Variants in MRGPRX3 observed in about 807,000 individuals in gnomAD.
MRGPRX3 encodes mas-related G protein-coupled receptor member X3.
A neutral mutation model predicts 16.5 loss-of-function variants in MRGPRX3; 14 were observed. The ratio of observed to expected loss-of-function variants is 0.85; its 90% CI spans 0.56 to 1.33. The LOEUF (loss-of-function observed/expected upper bound fraction) is 1.33. Ranked by LOEUF, MRGPRX3 falls within the 40% of genes most tolerant of loss-of-function variation. The probability of loss-of-function intolerance (pLI) is 0.00; values close to 1 mark genes in which losing one functional copy is unlikely to be tolerated. For missense variants in MRGPRX3, 449 were observed against 413.0 expected (o/e 1.09, Z -0.76); for synonymous variants, 199 against 180.1 (o/e 1.10, Z -0.84).
chr11:18,137,940 G>T lies in MRGPRX3; in HGVS notation c.738G>T (p.Trp246Cys). 1 of 1,614,192 alleles carries T rather than the reference G, an allele frequency of 6.2e-7. No individual in the cohort carries two copies. Among genetic ancestry groups the T allele is most frequent in the Non-Finnish European group, 8.5e-7 (1 of 1,180,032 alleles). Residue 246 changes from tryptophan to cysteine, a missense_variant, in exon 2 of 2, where the codon TGG (tryptophan) becomes TGT (cysteine). By Grantham distance (215) the Trp-to-Cys change is radical (BLOSUM62 -2). Coordinates refer to ENST00000621697, the MANE Select transcript of MRGPRX3 (RefSeq NM_001370464.1). Reference protein sequence around the residue: ...WALFSRIHLDWKVLFCHVHLV... With the variant: ...WALFSRIHLDCKVLFCHVHLV... ...TGTTTTCCAGGATCCACCTGGATTG[G>T]AAAGTCTTATTTTGTCATGTGCATC...
rs1335740245 is a variant in MRGPRX3 at position 18,137,352 on chromosome 11, G to T, written c.150G>T (p.Trp50Cys). Reference sequence around the variant, plus strand: ...TGACAGGAAACGCGGTTGTGCTCTGGCTCCTGGGCTGCCGCATGCGCAGGA... The same window carrying T: ...TGACAGGAAACGCGGTTGTGCTCTGTCTCCTGGGCTGCCGCATGCGCAGGA... ...VALTGNAVVL[W>C]LLGCRMRRNA... The change falls in exon 2 of 2, where the codon TGG becomes TGT. Residue 50 changes from tryptophan (W) to cysteine (C), a missense_variant. Transcript: ENST00000621697. 2.5e-6 allele frequency: 4 copies of T among 1,614,164 alleles called. No individual in the cohort carries two copies. Among genetic ancestry groups the T allele is most frequent in the Non-Finnish European group, 3.4e-6 (4 of 1,180,016 alleles).
intron 1 of MRGPRX3, among the ~76,000 whole-genome samples, chr11:18,122,602 T>C (rs997471450): frequency 6.6e-6 from 1 of 152,210 alleles, no homozygotes; most frequent in African/African-American, 2.4e-5. Context: ...GATCTTTGGG[T>C]TGGTTCCAAG....
chr11:18,126,555 A>G (rs1397576125), intron 1 of MRGPRX3, among the ~76,000 whole-genome samples: 5 of 152,120 alleles, frequency 3.3e-5, no homozygotes, highest in Non-Finnish European at 5.9e-5. Flanking sequence ...GGTTTGTTAC[A>G]TATGTATACA....
chr11:18,133,308 A>T (rs992439787), intron 1 of MRGPRX3, among the ~76,000 whole-genome samples: 5 of 152,196 alleles, frequency 3.3e-5, no homozygotes, highest in African/African-American at 1.2e-4. Flanking sequence ...CTATAGCCAT[A>T]GCTGTAGCCA....
intron 1 of MRGPRX3, among the ~76,000 whole-genome samples, chr11:18,133,805 C>G (rs1234404418): frequency 6.6e-6 from 1 of 152,220 alleles, no homozygotes; most frequent in Non-Finnish European, 1.5e-5. Flanking sequence ...AACTAATACA[C>G]AGACAGAGAG....
chr11:18,121,433 G>A (rs76207413), intron 1 of MRGPRX3, among the ~76,000 whole-genome samples: 85,692 of 150,808 alleles, frequency 0.57, 25,108 homozygotes, highest in East Asian at 0.82. Context: ...CAGGCCACAC[G>A]CTCCGACCGG....
Position 18,122,027 on chromosome 11 carries a change from GAAAAAAA to G in MRGPRX3, c.-152+869_-152+875del, listed in dbSNP as rs57582114. Reference sequence around the variant, plus strand: ...TAAAATTTAAAAAAAAAGAAAAAAAGAAAAAAAAAAAAGAAAAATCTTTCAAGATTTT... The same window carrying G: ...TAAAATTTAAAAAAAAAGAAAAAAAGAAAAAGAAAAATCTTTCAAGATTTT... On this transcript the variant is annotated intron_variant, in intron 1 of 2. Coordinates refer to the MRGPRX3 transcript ENST00000396275. Among the ~76,000 whole-genome samples, 3 of 137,364 alleles carry G rather than the reference GAAAAAAA, an allele frequency of 2.2e-5. No homozygotes were observed. The East Asian group carries it at 6.3e-4, about 29-fold the overall frequency. The allele number at this position is 137,364 out of a possible 152,430, so 90.1% of individuals were successfully genotyped here. A position where few individuals can be genotyped will look rare whatever the true frequency, so the allele number is the denominator to read the frequency against.
At chr11:18,131,781 C>G (rs1318087740), upstream of MRGPRX3, among the ~76,000 whole-genome samples, 1 of 152,030 alleles carries the variant, frequency 6.6e-6, no homozygotes, top group Non-Finnish European at 1.5e-5. Context: ...ATTGGAGACC[C>G]TTATTCTAAG....
upstream of MRGPRX3, among the ~76,000 whole-genome samples, chr11:18,132,028 C>T (rs1469998365): frequency 1.3e-5 from 2 of 152,242 alleles, no homozygotes; most frequent in East Asian, 1.9e-4. Context: ...TGGAAGCAAA[C>T]ACCACCTGTT....
chr11:18,135,861 A>T (rs1181142593), intron 1 of MRGPRX3, among the ~76,000 whole-genome samples: 1 of 152,188 alleles, frequency 6.6e-6, no homozygotes, highest in African/African-American at 2.4e-5. Flanking sequence ...AACCCCCCGG[A>T]CAAATAATAT....
rs768783004 is a variant in MRGPRX3, at chr11:18,137,988, T to C, written c.786T>C (p.Ala262=). 12 of 1,614,200 alleles carry C rather than the reference T, an allele frequency of 7.4e-6. No homozygotes were observed. The highest frequency in any genetic ancestry group is 8.5e-6 in the Non-Finnish European group (10 of 1,180,032). ...ATCTAGTTTCCATTTTCCTGTCCGC[T>C]CTTAACAGCAGTGCCAACCCCATCA... ...HVHLVSIFLS[A]LNSSANPIIY... is the part of the protein sequence containing the mutation. Residue 262 remains alanine, a synonymous_variant, in exon 2 of 2, where the codon GCT becomes GCC. Transcript: ENST00000621697.
intron 1 of MRGPRX3, among the ~76,000 whole-genome samples, chr11:18,122,363 G>C (rs1363597174): frequency 6.6e-6 from 1 of 152,170 alleles, no homozygotes; most frequent in Admixed American, 6.5e-5. Flanking sequence ...ACAGGCCCCA[G>C]GGTGGGATGT....
At position 18,134,957 on chromosome 11, in the gene MRGPRX3, C is replaced by T. The variant is rs1476765300; in HGVS notation, c.-26+2218C>T. Among the ~76,000 whole-genome samples, 3 of 152,156 alleles carry T rather than the reference C, an allele frequency of 2.0e-5. No individual in the cohort carries two copies. The South Asian group carries it at 6.2e-4, about 32-fold the overall frequency. On this transcript the variant is annotated intron_variant, in intron 1 of 1. Transcript: ENST00000621697. ...ACCAAAAAAGGAAATCTTGGGGCAA[C>T]CAGCAGTCTCTTCAGCCCCTGACTG...
upstream of MRGPRX3, among the ~76,000 whole-genome samples, chr11:18,128,631 G>A (rs907724351): frequency 7.2e-5 from 11 of 152,202 alleles, no homozygotes; most frequent in South Asian, 2.1e-4. Flanking sequence ...TTGGGAAAGC[G>A]CAGTATTAGG....
rs543096248 is a variant in MRGPRX3, at chr11:18,137,338, G to A, written c.136G>A (p.Ala46Thr). ...TTCCCTTGTCGCGCTGACAGGAAAC[G>A]CGGTTGTGCTCTGGCTCCTGGGCTG... ...IVSLVALTGN[A>T]VVLWLLGCRM... is the part of the protein sequence containing the mutation. Residue 46 changes from alanine (A) to threonine (T), a missense_variant, in exon 2 of 2, where the codon GCG becomes ACG. Ala to Thr is a moderately conservative substitution (Grantham distance 58, BLOSUM62 0). Coordinates refer to ENST00000621697, the MANE Select transcript of MRGPRX3 (RefSeq NM_001370464.1). 5.0e-6 allele frequency: 8 copies of A among 1,614,056 alleles called. No homozygotes were observed. The highest frequency in any genetic ancestry group is 2.2e-5 in the East Asian group (1 of 44,890).
intron 1 of MRGPRX3, among the ~76,000 whole-genome samples, chr11:18,135,155 CT>C (rs1389167152): frequency 6.6e-6 from 1 of 152,142 alleles, no homozygotes; most frequent in East Asian, 1.9e-4. Flanking sequence ...TAGGCCTTAG[CT>C]TCATCTTATG....
intron 1 of MRGPRX3, among the ~76,000 whole-genome samples, chr11:18,133,930 T>C (rs1251456533): frequency 6.6e-6 from 1 of 152,174 alleles, no homozygotes; most frequent in Admixed American, 6.5e-5. Context: ...ACTGATGTGG[T>C]ACATAGAAGC....
intron 1 of MRGPRX3, among the ~76,000 whole-genome samples, chr11:18,135,761 G>A (rs920613362): frequency 4.6e-5 from 7 of 151,482 alleles, no homozygotes; most frequent in Non-Finnish European, 5.9e-5. Flanking sequence ...ATGTATAATC[G>A]ACACATAGTG....
upstream of MRGPRX3, among the ~76,000 whole-genome samples, chr11:18,127,877 C>T (rs1458144031): frequency 6.6e-6 from 1 of 152,046 alleles, no homozygotes; most frequent in African/African-American, 2.4e-5. Context: ...TTTTTCTGCT[C>T]TGTTTTTTCC....
Sources: allele counts gnomAD v4.1 joint callset (sites outside exome capture counted in the v4.1 genomes callset), GRCh38; gene constraint gnomAD v4.1.1; transcripts MANE v1.5; gene names NCBI Gene and HGNC (gene_info 2026-07-23, HGNC 2026-07-21).